Variants in ADK observed in about 807,000 individuals in gnomAD.
The protein encoded by ADK is adenosine kinase.
In ADK, 24 loss-of-function variants were observed where a neutral mutation model predicts 44.7. That is an observed-to-expected ratio of 0.54 (90% CI 0.39 to 0.76). The LOEUF is 0.76. Ranked by LOEUF, ADK falls within the 30% of genes least tolerant of loss-of-function variation. ADK has a pLI of 0.00. For missense variants in ADK, 321 were observed against 425.1 expected (o/e 0.76, Z 2.15); for synonymous variants, 128 against 142.6 (o/e 0.90, Z 0.73).
intron 4 of ADK, among the ~76,000 whole-genome samples, chr10:74,362,539 T>G (rs1415365024): frequency 6.6e-6 from 1 of 152,238 alleles, no homozygotes; most frequent in Non-Finnish European, 1.5e-5. Context: ...TCGGTCACTT[T>G]CAGGTTAGTC....
rs564634044 is a variant in ADK, at chr10:74,571,252, T to C, written c.727-18030T>C. ...AAGGATATTGGTCTAAAATTCTCTT[T>C]TTTTGTTGTGTCTCTGCCAGGCTTT... On this transcript the variant is annotated intron_variant, in intron 7 of 10. Transcript: ENST00000539909. 9.8e-5 allele frequency among the ~76,000 whole-genome samples: 15 copies of C among 152,356 alleles called. No homozygotes were observed. The East Asian group carries it at 1.9e-3, about 20-fold the overall frequency.
At chr10:74,663,001 G>T (rs1360243010) in intron 9 of ADK, among the ~76,000 whole-genome samples, 1 of 151,922 alleles carries the variant, frequency 6.6e-6, no homozygotes, top group South Asian at 2.1e-4. Context: ...GGCCAAGGTG[G>T]GTGGATCATG....
At chr10:74,552,541 G>A (rs577165643) in intron 7 of ADK, among the ~76,000 whole-genome samples, 1 of 151,842 alleles carries the variant, frequency 6.6e-6, no homozygotes, top group African/African-American at 2.4e-5. Flanking sequence ...CACAAAATTT[G>A]CACAAAAGCA....
chr10:74,670,026 C>T (rs1479889308), intron 9 of ADK, among the ~76,000 whole-genome samples, 157 bp from the exon 10 acceptor site: 1 of 152,186 alleles, frequency 6.6e-6, no homozygotes, highest in Admixed American at 6.5e-5. Context: ...GATGATTTTG[C>T]ACCTTAGTTC....
intron 6 of ADK, among the ~76,000 whole-genome samples, chr10:74,523,189 A>G (rs1214086244): frequency 1.3e-5 from 2 of 152,332 alleles, no homozygotes; most frequent in Non-Finnish European, 2.9e-5. Context: ...GAGTTGCTGT[A>G]TAGTATAGTG....
intron 2 of ADK, among the ~76,000 whole-genome samples, chr10:74,207,741 G>T (rs1355955056): frequency 1.3e-5 from 2 of 152,170 alleles, no homozygotes; most frequent in African/African-American, 4.8e-5. Context: ...AGCACCATGA[G>T]TCTCACTCCC....
intron 9 of ADK, among the ~76,000 whole-genome samples, chr10:74,603,282 A>T (rs1359023459): frequency 1.3e-5 from 2 of 152,096 alleles, no homozygotes; most frequent in African/African-American, 4.8e-5. Context: ...TGATACTTTA[A>T]GTTCTGGGAT....
intron 9 of ADK, among the ~76,000 whole-genome samples, chr10:74,649,045 T>C (rs1427821484): frequency 6.6e-6 from 1 of 151,904 alleles, no homozygotes; most frequent in Non-Finnish European, 1.5e-5. Flanking sequence ...CTGGGCGTGG[T>C]GGCACGCAGC....
At chr10:74,318,478 A>G (rs1265805634) in intron 4 of ADK, among the ~76,000 whole-genome samples, 1 of 152,198 alleles carries the variant, frequency 6.6e-6, no homozygotes, top group African/African-American at 2.4e-5. Context: ...GCTCATTTTT[A>G]TATATTAAGA....
intron 9 of ADK, chr10:74,655,117 G>A: frequency 6.9e-6 from 2 of 290,978 alleles, no homozygotes; most frequent in Middle Eastern, 8.8e-4. Flanking sequence ...GTTGAGGTTG[G>A]GGGTCAAGAA....
chr10:74,181,009 A>C (rs1460936171), intron 1 of ADK, among the ~76,000 whole-genome samples: 1 of 152,228 alleles, frequency 6.6e-6, no homozygotes, highest in African/African-American at 2.4e-5. Context: ...CCCTCTAGAG[A>C]ATGGTGTCAT....
intron 6 of ADK, among the ~76,000 whole-genome samples, chr10:74,501,922 T>C (rs1190888501): frequency 6.6e-6 from 1 of 152,040 alleles, no homozygotes; most frequent in Non-Finnish European, 1.5e-5. Context: ...TGTTGAGAAG[T>C]AGATAGAGGT....
chr10:74,347,627 G>T (rs1841822460), intron 4 of ADK, among the ~76,000 whole-genome samples: 1 of 152,110 alleles, frequency 6.6e-6, no homozygotes, highest in Admixed American at 6.5e-5. Context: ...CTTGCTTAGA[G>T]GGTCCCACTC....
chr10:74,495,119 G>A (rs1035672588), intron 6 of ADK, among the ~76,000 whole-genome samples: 5 of 151,536 alleles, frequency 3.3e-5, no homozygotes, highest in Admixed American at 3.3e-4. Flanking sequence ...ATCTGTCTCT[G>A]GTTTTCTAAA....
At chr10:74,584,687 C>T (rs142007281) in intron 7 of ADK, among the ~76,000 whole-genome samples, 1 of 152,144 alleles carries the variant, frequency 6.6e-6, no homozygotes, top group Non-Finnish European at 1.5e-5. Context: ...ATTATAAGGC[C>T]TGTAACAGCT....
chr10:74,491,105 A>T (rs1054300810), intron 6 of ADK, among the ~76,000 whole-genome samples: 6 of 152,136 alleles, frequency 3.9e-5, no homozygotes, highest in African/African-American at 1.4e-4. Flanking sequence ...TCGATTAAAT[A>T]TTAAATACCG....
intron 4 of ADK, among the ~76,000 whole-genome samples, chr10:74,347,842 G>T (rs1841830288): frequency 6.6e-6 from 1 of 152,192 alleles, no homozygotes; most frequent in Non-Finnish European, 1.5e-5. Flanking sequence ...CAGCAAAGCA[G>T]CTGTGGCCAG....
chr10:74,359,202 G>A (rs1842241651), intron 4 of ADK, among the ~76,000 whole-genome samples: 1 of 152,098 alleles, frequency 6.6e-6, no homozygotes. Context: ...ACAGTACCAT[G>A]CTGTTTTGGT....
At chr10:74,421,367 G>A (rs563405679) in intron 6 of ADK, among the ~76,000 whole-genome samples, 1 of 152,110 alleles carries the variant, frequency 6.6e-6, no homozygotes, top group African/African-American at 2.4e-5. Context: ...TGTCAGGAAG[G>A]GATGTTACAG....
Sources: allele counts gnomAD v4.1 joint callset (sites outside exome capture counted in the v4.1 genomes callset), GRCh38; gene constraint gnomAD v4.1.1; transcripts MANE v1.5; gene names NCBI Gene and HGNC (gene_info 2026-07-23, HGNC 2026-07-21).